Variants in SPATA3 observed in about 807,000 individuals in gnomAD.
SPATA3 encodes the protein spermatogenesis associated 3, also known as spermatogenesis-associated protein 3.
A neutral mutation model predicts 5.7 loss-of-function variants in SPATA3; 6 were observed. The ratio of observed to expected loss-of-function variants is 1.06; its 90% CI spans 0.58 to 2.09. The LOEUF is 2.09. SPATA3 is among the 30% of genes most tolerant of loss of function. SPATA3 has a pLI of 0.00. For synonymous variants in SPATA3, 44 were observed against 48.4 expected (o/e 0.91, Z 0.37); for missense variants, 155 against 130.4 (o/e 1.19, Z -0.92).
downstream of SPATA3, among the ~76,000 whole-genome samples, chr2:231,004,417 G>A (rs11679650): frequency 2.0e-5 from 3 of 152,096 alleles, no homozygotes; most frequent in Non-Finnish European, 2.9e-5. Flanking sequence ...TAGAGCTGCC[G>A]GCTCCTTTCT....
downstream of SPATA3, among the ~76,000 whole-genome samples, chr2:231,005,355 C>CAT (rs1692556673): frequency 1.2e-5 from 1 of 83,230 alleles, no homozygotes; most frequent in Non-Finnish European, 2.5e-5. Context: ...ATCACCATCA[C>CAT]CACCACCACC....
At chr2:231,015,257 C>CTTTCTTTT (rs1692900267) in intron 6 of SPATA3, among the ~76,000 whole-genome samples, 1 of 94,128 alleles carries the variant, frequency 1.1e-5, no homozygotes, top group African/African-American at 4.8e-5. Context: ...ATCGTTTTGG[C>CTTTCTTTT]TTTTTTTTTT....
intron 6 of SPATA3, among the ~76,000 whole-genome samples, chr2:231,014,977 C>G (rs1277730414): frequency 6.6e-6 from 1 of 152,098 alleles, no homozygotes; most frequent in African/African-American, 2.4e-5. Flanking sequence ...CCAGCAAACC[C>G]TACAGGGAGT....
At chr2:230,998,721 C>A (rs1224479650) in intron 1 of SPATA3, among the ~76,000 whole-genome samples, 1 of 152,150 alleles carries the variant, frequency 6.6e-6, no homozygotes, top group African/African-American at 2.4e-5. Context: ...GAAGGATGGA[C>A]AATAACAAGT....
Position 231,002,712 on chromosome 2 carries a change from C to T in SPATA3, c.991C>T (p.Arg331Cys), listed in dbSNP as rs371542527. ...ATCTTCAAGAAAACCCTCCAGTCATCGTAACGCGTGTCCTCCAAGCCCTCG... is the reference window on the plus strand; with the variant it reads ...ATCTTCAAGAAAACCCTCCAGTCATTGTAACGCGTGTCCTCCAAGCCCTCG... The change falls in exon 3 of 3, where the codon CGT (arginine) becomes TGT (cysteine). Residue 331 changes from arginine (R) to cysteine (C), a missense_variant. Physicochemically the swap from Arg to Cys is radical, Grantham distance 180 (BLOSUM62 -3). Transcript: ENST00000645363. 1.2e-4 allele frequency: 178 copies of T among 1,526,892 alleles called. No individual in the cohort carries two copies. The highest frequency in any genetic ancestry group is 1.3e-4 in the Non-Finnish European group (148 of 1,134,684). The allele number at this position is 1,526,892 out of a possible 1,614,324, so 94.6% of individuals were successfully genotyped here.
downstream of SPATA3, among the ~76,000 whole-genome samples, chr2:231,010,913 TAAAAAAA>T (rs58404200): frequency 4.6e-5 from 6 of 131,848 alleles, no homozygotes; most frequent in Admixed American, 4.5e-4. Flanking sequence ...TGTATTTTTC[TAAAAAAA>T]AAAAAAAAAA....
chr2:230,996,633 A>AC, intron 1 of SPATA3, 99 bp downstream of exon 1: 1 of 1,395,944 alleles, frequency 7.2e-7, no homozygotes, highest in Non-Finnish European at 9.7e-7. Context: ...TGCATGGTTA[A>AC]CGTGTATCCT....
At chr2:230,999,767 G>A (rs932478504) in intron 1 of SPATA3, 3 of 169,170 alleles carry the variant, frequency 1.8e-5, no homozygotes, top group Non-Finnish European at 4.4e-5. Context: ...TCAATGGAAC[G>A]TGGCAGCTCC....
intron 6 of SPATA3, among the ~76,000 whole-genome samples, chr2:231,019,335 T>C (rs1048105998): frequency 3.3e-5 from 5 of 149,968 alleles, no homozygotes; most frequent in Non-Finnish European, 5.9e-5. Flanking sequence ...CTCACTTTTT[T>C]TTTTTTGAGA....
chr2:231,000,683 A>G (rs1692318465), intron 2 of SPATA3, 146 bp downstream of exon 2: 1 of 917,292 alleles, frequency 1.1e-6, no homozygotes, highest in Non-Finnish European at 1.5e-6. Context: ...TGCTTTGCCC[A>G]CTTCCTGGAC....
chr2:231,005,263 TACCATCATC>T (rs1692536333), downstream of SPATA3, among the ~76,000 whole-genome samples: 1 of 49,188 alleles, frequency 2.0e-5, no homozygotes, highest in African/African-American at 8.0e-5. Flanking sequence ...CCATCATCAT[TACCATCATC>T]ACCATCACCA....
chr2:231,019,769 T>C (rs1297819958), exon 7 of SPATA3: 1 of 151,118 alleles, frequency 6.6e-6, no homozygotes. Context: ...TGTTCCATGC[T>C]TGGGGTCCTA....
At chr2:231,012,751 T>C (rs1021139367) in intron 5 of SPATA3, 1 of 152,176 alleles carries the variant, frequency 6.6e-6, no homozygotes, top group African/African-American at 2.4e-5. Context: ...TAGAGGATCA[T>C]GTGGTGTCTG....
At chr2:231,009,573 G>A (rs1692727471), downstream of SPATA3, among the ~76,000 whole-genome samples, 1 of 152,136 alleles carries the variant, frequency 6.6e-6, no homozygotes, top group Non-Finnish European at 1.5e-5. Flanking sequence ...CTGTCACCTG[G>A]GCTCATCTCT....
At chr2:231,014,689 A>G (rs1471165335) in intron 6 of SPATA3, among the ~76,000 whole-genome samples, 2 of 152,014 alleles carry the variant, frequency 1.3e-5, no homozygotes, top group African/African-American at 4.8e-5. Flanking sequence ...TTCCAAAAGG[A>G]CACCCACCAA....
chr2:230,998,073 G>C (rs530973019), intron 1 of SPATA3, among the ~76,000 whole-genome samples: 1 of 152,230 alleles, frequency 6.6e-6, no homozygotes, highest in East Asian at 1.9e-4. Context: ...AGGCCTAGGA[G>C]TCTCCACAAG....
chr2:231,007,899 C>T (rs185952060), downstream of SPATA3, among the ~76,000 whole-genome samples: 1 of 152,280 alleles, frequency 6.6e-6, no homozygotes, highest in African/African-American at 2.4e-5. Flanking sequence ...AATTCCAAGA[C>T]TTTGGGAGGC....
chr2:230,997,685 C>A (rs1317363305), intron 1 of SPATA3, among the ~76,000 whole-genome samples: 1 of 152,184 alleles, frequency 6.6e-6, no homozygotes, highest in Admixed American at 6.5e-5. Context: ...GAATGGCTGT[C>A]AGGAAAAGTG....
intron 2 of SPATA3, 123 bp downstream of exon 2, chr2:231,000,660 T>G: frequency 9.1e-7 from 1 of 1,093,514 alleles, no homozygotes; most frequent in Non-Finnish European, 1.2e-6. Flanking sequence ...AGGAAAGCCT[T>G]TCTTTCCCTC....
Sources: gnomAD v4.1 joint callset for allele counts (sites outside exome capture counted in the v4.1 genomes callset) on GRCh38, gnomAD v4.1.1 for gene constraint, MANE v1.5 for transcripts, NCBI Gene and HGNC (gene_info 2026-07-23, HGNC 2026-07-21) for gene names.